The following BACH2 variants were observed in gnomAD, a reference collection of about 807,000 sequenced individuals.
BACH2 encodes transcription regulator protein BACH2.
A neutral mutation model predicts 61.8 loss-of-function variants in BACH2; 5 were observed. The ratio of observed to expected loss-of-function variants is 0.08; its 90% CI spans 0.04 to 0.17. BACH2 has a LOEUF of 0.17. Ranked by LOEUF, BACH2 falls within the 10% of genes least tolerant of loss-of-function variation. BACH2 has a pLI of 1.00. For synonymous variants in BACH2, 446 were observed against 440.1 expected (o/e 1.01, Z -0.17); for missense variants, 824 against 1,091.1 (o/e 0.76, Z 3.45).
In BACH2 at chr6:90,103,123, G is replaced by A. The variant is rs185689795; in HGVS notation, c.-161-14014C>T. Among the ~76,000 whole-genome samples the A allele has an allele frequency of 2.0e-4, 28 of 140,438 alleles. 1 individual carries two copies. The highest frequency in any genetic ancestry group is 1.7e-3 in the Admixed American group (22 of 13,152). The allele number at this position is 140,438 out of a possible 152,430, so 92.1% of individuals were successfully genotyped here. ...CATTCAGAGACCTACTTTGCATCTT[G>A]ATCCATGAGTCACTGATTTGAGCAT... On this transcript the variant is annotated intron_variant, in intron 4 of 8. Transcript: ENST00000257749.
At chr6:90,040,649 C>T (rs1468854570) in intron 5 of BACH2, among the ~76,000 whole-genome samples, 8 of 151,904 alleles carry the variant, frequency 5.3e-5, no homozygotes, top group Non-Finnish European at 1.0e-4. Context: ...GATTGTCTTT[C>T]CATTTATTCA....
At chr6:89,937,514 A>G (rs1773099306) in intron 8 of BACH2, among the ~76,000 whole-genome samples, 1 of 152,190 alleles carries the variant, frequency 6.6e-6, no homozygotes, top group Non-Finnish European at 1.5e-5. Flanking sequence ...ATAGATGCTC[A>G]TAATCAACAT....
chr6:90,033,068 G>A (rs536044276), intron 5 of BACH2, among the ~76,000 whole-genome samples: 84 of 151,656 alleles, frequency 5.5e-4, no homozygotes, highest in African/African-American at 1.8e-3. Context: ...GGACATGGAT[G>A]AAGCTGGAAA....
At chr6:90,145,606 G>A (rs962520840) in intron 4 of BACH2, among the ~76,000 whole-genome samples, 5 of 152,156 alleles carry the variant, frequency 3.3e-5, no homozygotes, top group Admixed American at 1.3e-4. Context: ...AAGCTCCCTC[G>A]AGGGTCTCTT....
At chr6:90,247,973 C>A (rs1770692347) in intron 3 of BACH2, among the ~76,000 whole-genome samples, 1 of 152,224 alleles carries the variant, frequency 6.6e-6, no homozygotes, top group African/African-American at 2.4e-5. Flanking sequence ...ATACTCATCA[C>A]ATTCAAGTGT....
chr6:90,231,985 CAGAGAGAGAGAGAGAG>C (rs542457957), intron 3 of BACH2, among the ~76,000 whole-genome samples: 21 of 149,260 alleles, frequency 1.4e-4, no homozygotes, highest in African/African-American at 3.2e-4. Context: ...GAGAGAGAGA[CAGAGAGAGAGAGAGAG>C]AGAGAGAGAG....
chr6:90,229,184 G>A (rs905113633), intron 3 of BACH2, among the ~76,000 whole-genome samples: 4 of 152,164 alleles, frequency 2.6e-5, no homozygotes, highest in African/African-American at 9.7e-5. Flanking sequence ...TCAGAGGCTG[G>A]GCGGTGGCTC....
chr6:90,051,966 TA>T (rs1780067389), intron 5 of BACH2, among the ~76,000 whole-genome samples: 1 of 152,198 alleles, frequency 6.6e-6, no homozygotes, highest in Non-Finnish European at 1.5e-5. Context: ...TTTAAAATGT[TA>T]AAAAATTTCC....
chr6:90,173,161 A>T (rs532198015), intron 4 of BACH2, among the ~76,000 whole-genome samples: 4 of 152,146 alleles, frequency 2.6e-5, no homozygotes, highest in African/African-American at 9.6e-5. Context: ...GGCAATAAAG[A>T]AAAAATAAGG....
intron 5 of BACH2, among the ~76,000 whole-genome samples, chr6:90,058,631 T>C (rs1474952533): frequency 6.6e-6 from 1 of 151,986 alleles, no homozygotes; most frequent in African/African-American, 2.4e-5. Context: ...TACTTTCAAG[T>C]TCATATGGAA....
At chr6:90,039,324 G>C (rs571141184) in intron 5 of BACH2, among the ~76,000 whole-genome samples, 146 of 152,190 alleles carry the variant, frequency 9.6e-4, no homozygotes, top group Non-Finnish European at 1.6e-3. Context: ...TTGTAGTTTT[G>C]ATACTGCCAA....
chr6:90,138,504 A>T (rs889305075), intron 4 of BACH2, among the ~76,000 whole-genome samples: 1 of 152,204 alleles, frequency 6.6e-6, no homozygotes. Context: ...TCTCAAAAAA[A>T]TAAATAAAAA....
chr6:90,060,527 TTC>T (rs1780630530), intron 5 of BACH2, among the ~76,000 whole-genome samples: 1 of 152,168 alleles, frequency 6.6e-6, no homozygotes, highest in African/African-American at 2.4e-5. Context: ...TTGTTCACCA[TTC>T]ACCATTTTTG....
At chr6:89,975,928 G>A (rs16882324) in intron 6 of BACH2, among the ~76,000 whole-genome samples, 3,913 of 152,232 alleles carry the variant, frequency 0.026, 246 homozygotes, top group Admixed American at 0.14. Flanking sequence ...AGAAAAACAA[G>A]GTCAATTCAA....
intron 3 of BACH2, among the ~76,000 whole-genome samples, 198 bp downstream of exon 3, chr6:90,252,315 T>G (rs996641315): frequency 6.6e-6 from 1 of 152,082 alleles, no homozygotes; most frequent in African/African-American, 2.4e-5. Flanking sequence ...CTGACTCAAA[T>G]CAAAGAGAGC....
chr6:90,259,842 T>A, intron 2 of BACH2, among the ~76,000 whole-genome samples: 1 of 152,164 alleles, frequency 6.6e-6, no homozygotes, highest in Admixed American at 6.5e-5. Context: ...GGCCACCCAA[T>A]TTGTTGGCAT....
intron 3 of BACH2, among the ~76,000 whole-genome samples, chr6:90,224,500 T>C (rs1437101543): frequency 6.6e-6 from 1 of 152,212 alleles, no homozygotes; most frequent in East Asian, 1.9e-4. Flanking sequence ...TTCATTTATT[T>C]ATAAGAAGTT....
Position 89,983,577 on chromosome 6 carries a change from G to A in BACH2, c.243+25025C>T, listed in dbSNP as rs550310883. Among the ~76,000 whole-genome samples the A allele has an allele frequency of 1.1e-4, 17 of 152,290 alleles. No individual in the cohort carries two copies. In the East Asian group the frequency reaches 1.9e-3, roughly 17 times the overall value. On this transcript the variant is annotated intron_variant, in intron 6 of 8. Coordinates refer to ENST00000257749, the MANE Select transcript of BACH2 (RefSeq NM_021813.4). ...CCAGCTACTCGGGAGGCTGAGGCAG[G>A]AGAATCACTTGAACCCAGGAGGCAG...
Position 90,017,436 on chromosome 6 carries a change from G to A in BACH2, c.-12-8580C>T, listed in dbSNP as rs11755320. 5.7e-3 allele frequency among the ~76,000 whole-genome samples: 868 copies of A among 152,146 alleles called. 8 individuals are homozygous for A. Among genetic ancestry groups the A allele is most frequent in the Middle Eastern group, 0.017 (5 of 294 alleles). On this transcript the variant is annotated intron_variant, in intron 5 of 8. Coordinates refer to ENST00000257749, the MANE Select transcript of BACH2 (RefSeq NM_021813.4). ...AGGGTTTCACCATGTTGGCCAAGCT[G>A]GTCTTGAACTCCTGACCTCAAATAA...
Sources: allele counts gnomAD v4.1 joint callset (sites outside exome capture counted in the v4.1 genomes callset), GRCh38; gene constraint gnomAD v4.1.1; transcripts MANE v1.5; gene names NCBI Gene and HGNC (gene_info 2026-07-23, HGNC 2026-07-21).